TENM3: variants seen among roughly 807,000 people sequenced by gnomAD.
TENM3 encodes the protein teneurin transmembrane protein 3.
In TENM3, 63 loss-of-function variants were observed where a neutral mutation model predicts 255.1. That is an observed-to-expected ratio of 0.25 (90% confidence interval 0.20 to 0.30). The LOEUF (loss-of-function observed/expected upper bound fraction) is 0.30, where lower values mean the gene tolerates loss of function less well. TENM3 is among the 10% of genes least tolerant of loss of function. TENM3 has a pLI of 1.00. For synonymous variants in TENM3, 1,306 were observed against 1,322.3 expected, an observed-to-expected ratio of 0.99 and a Z score of 0.27; for missense variants, 2,929 against 3,461.1, an observed-to-expected ratio of 0.85 and a Z score of 3.86.
chr4:182,456,071 A>G (rs1773854625), intron 3 of TENM3, among the ~76,000 whole-genome samples: 1 of 152,204 alleles, frequency 6.6e-6, no homozygotes, highest in African/African-American at 2.4e-5. Context: ...TAGTTATTCC[A>G]TAAGTCTCGA....
chr4:182,730,864 T>G lies in TENM3; in HGVS notation c.2706-14T>G. 6.2e-7 allele frequency: 1 copy of G among 1,613,128 alleles called. No individual in the cohort carries two copies. Among genetic ancestry groups the G allele is most frequent in the Non-Finnish European group, 8.5e-7 (1 of 1,179,204 alleles). ...ATCCAGACAATTCACTAAGCATACC[T>G]TGTTCTTTCTTAGGTTTGACTTGGT... On this transcript the variant is annotated splice_polypyrimidine_tract_variant and intron_variant, in intron 15 of 27. Transcript: ENST00000511685.
the TENM3 span, among the ~76,000 whole-genome samples, chr4:182,090,053 G>A: frequency 6.6e-6 from 1 of 152,136 alleles, no homozygotes; most frequent in Non-Finnish European, 1.5e-5. Flanking sequence ...AATCTCTATG[G>A]ACTTTAAAAG....
chr4:181,556,942 A>G, the TENM3 span, among the ~76,000 whole-genome samples: 1 of 152,180 alleles, frequency 6.6e-6, no homozygotes, highest in African/African-American at 2.4e-5. Flanking sequence ...TTGATTTCAT[A>G]TAATATTATC....
chr4:181,582,785 GC>G, the TENM3 span, among the ~76,000 whole-genome samples: 5 of 152,090 alleles, frequency 3.3e-5, no homozygotes, highest in African/African-American at 4.8e-5. Context: ...CACAAGGACT[GC>G]CCCCTACTGG....
At chr4:182,237,636 A>G (rs1756980666) in intron 1 of TENM3, among the ~76,000 whole-genome samples, 1 of 152,130 alleles carries the variant, frequency 6.6e-6, no homozygotes, top group African/African-American at 2.4e-5. Flanking sequence ...TTCATTCGGA[A>G]TTCTGGATCT....
chr4:182,127,509 T>G, the TENM3 span, among the ~76,000 whole-genome samples: 1 of 152,226 alleles, frequency 6.6e-6, no homozygotes, highest in Non-Finnish European at 1.5e-5. Context: ...GGAACTGAAC[T>G]GATGCATGTT....
the TENM3 span, among the ~76,000 whole-genome samples, chr4:181,605,863 G>A: frequency 3.3e-5 from 5 of 152,194 alleles, no homozygotes; most frequent in African/African-American, 1.2e-4. Flanking sequence ...TCAAGCATGA[G>A]TTAAATTTTG....
chr4:182,250,398 A>G (rs1159807807), intron 1 of TENM3, among the ~76,000 whole-genome samples: 1 of 152,032 alleles, frequency 6.6e-6, no homozygotes, highest in East Asian at 1.9e-4. Flanking sequence ...TTAATGCACC[A>G]CTTGGCCTTA....
intron 2 of TENM3, among the ~76,000 whole-genome samples, chr4:182,330,958 G>A (rs553717782): frequency 2.6e-5 from 4 of 152,300 alleles, no homozygotes; most frequent in African/African-American, 9.6e-5. Flanking sequence ...TGGGGAAACA[G>A]TTATGAAATA....
At chr4:182,325,146 A>G (rs935389267) in intron 2 of TENM3, among the ~76,000 whole-genome samples, 2 of 152,234 alleles carry the variant, frequency 1.3e-5, no homozygotes, top group African/African-American at 4.8e-5. Flanking sequence ...TTTAATCTGG[A>G]AATGAGAAAA....
chr4:181,954,261 A>G, the TENM3 span, among the ~76,000 whole-genome samples: 2 of 152,176 alleles, frequency 1.3e-5, no homozygotes, highest in Non-Finnish European at 2.9e-5. Flanking sequence ...ATAAGGACAT[A>G]TGTCTTCATT....
the TENM3 span, among the ~76,000 whole-genome samples, chr4:181,921,150 T>C: frequency 1.3e-5 from 2 of 152,254 alleles, no homozygotes; most frequent in African/African-American, 4.8e-5. Flanking sequence ...TGTAGTAGAG[T>C]TTGAAGTCAG....
the TENM3 span, among the ~76,000 whole-genome samples, chr4:181,527,330 T>C: frequency 2.6e-5 from 4 of 152,154 alleles, no homozygotes. Flanking sequence ...AGTTGAGATA[T>C]TTAGTATCAG....
the TENM3 span, among the ~76,000 whole-genome samples, chr4:181,560,892 GACA>G: frequency 1.9e-4 from 29 of 152,258 alleles, 1 homozygote; most frequent in African/African-American, 6.0e-4. Context: ...TTTTTTTGTG[GACA>G]ACAACAAGGG....
chr4:182,015,890 T>C, the TENM3 span, among the ~76,000 whole-genome samples: 49,558 of 152,094 alleles, frequency 0.33, 8,988 homozygotes, highest in Non-Finnish European at 0.42. Flanking sequence ...GTACTTTGTC[T>C]CTAGTATGTT....
At chr4:182,052,700 A>G in the TENM3 span, among the ~76,000 whole-genome samples, 1 of 152,130 alleles carries the variant, frequency 6.6e-6, no homozygotes, top group Non-Finnish European at 1.5e-5. Context: ...TGGGCGAGTC[A>G]GTCATCACAG....
At chr4:182,064,701 G>A in the TENM3 span, among the ~76,000 whole-genome samples, 2 of 152,200 alleles carry the variant, frequency 1.3e-5, no homozygotes, top group Admixed American at 6.5e-5. Context: ...GCAGGGTGCA[G>A]TTGCTTGCCC....
At chr4:182,719,763 A>G (rs182856455) in intron 13 of TENM3, among the ~76,000 whole-genome samples, 1 of 152,302 alleles carries the variant, frequency 6.6e-6, no homozygotes, top group Non-Finnish European at 1.5e-5. Flanking sequence ...CAGAAATACA[A>G]TTCGAACTGC....
chr4:181,611,473 G>T, the TENM3 span, among the ~76,000 whole-genome samples: 1 of 151,828 alleles, frequency 6.6e-6, no homozygotes. Flanking sequence ...CTCTTTACAT[G>T]ATACCCAGGC....
Sources: allele counts gnomAD v4.1 joint callset (sites outside exome capture counted in the v4.1 genomes callset), GRCh38; gene constraint gnomAD v4.1.1; transcripts MANE v1.5; gene names NCBI Gene and HGNC (gene_info 2026-07-23, HGNC 2026-07-21).